Variants in ABCC11 observed in about 807,000 individuals in gnomAD.
ABCC11 encodes the protein ATP-binding cassette sub-family C member 11.
Under a neutral mutation model 149.3 loss-of-function variants are expected in ABCC11, and 135 were observed. That is an observed-to-expected ratio of 0.90 (90% CI 0.79 to 1.04). The LOEUF is 1.04. ABCC11 is among the 50% of genes least tolerant of loss of function. The pLI is 0.00. For missense variants in ABCC11, 1,680 were observed against 1,722.1 expected (o/e 0.98, Z 0.43); for synonymous variants, 665 against 671.4 (o/e 0.99, Z 0.15).
rs759832632 is a variant in ABCC11 at position 48,196,220 on chromosome 16, T to C, written c.2404+12A>G. 6.2e-7 allele frequency: 1 copy of C among 1,613,940 alleles called. No homozygotes were observed. The highest frequency in any genetic ancestry group is 1.1e-5 in the South Asian group (1 of 91,048). On this transcript the variant is annotated intron_variant, in intron 18 of 29. Coordinates refer to ENST00000356608, the MANE Select transcript of ABCC11 (RefSeq NM_001370497.1). Reference sequence around the variant, plus strand: ...TCCAAGAGAGAGCCCTGGGCTGGCATGGGGACCGTACCTCCAGCTGCCTGG... The same window carrying C: ...TCCAAGAGAGAGCCCTGGGCTGGCACGGGGACCGTACCTCCAGCTGCCTGG...
At chr16:48,244,210 G>A (rs558481899) in intron 1 of ABCC11, 15 of 515,384 alleles carry the variant, frequency 2.9e-5, no homozygotes, top group Non-Finnish European at 4.8e-5. Context: ...AAGTCTTACC[G>A]GGAGGCTCTC....
Position 48,210,943 on chromosome 16 carries a change from G to A in ABCC11, c.1608+5C>T, listed in dbSNP as rs145295654. ...GGCCTGCCTGCGTGGCCTGAACAAG[G>A]CTACCTTGGACACCACCAGGTTGAT... On this transcript the variant is annotated splice_donor_5th_base_variant and intron_variant, in intron 11 of 29. Coordinates refer to ENST00000356608, the MANE Select transcript of ABCC11 (RefSeq NM_001370497.1). 33 of 1,613,462 alleles carry A rather than the reference G, an allele frequency of 2.0e-5. No individual in the cohort carries two copies. Among genetic ancestry groups the A allele is most frequent in the Non-Finnish European group, 2.5e-5 (30 of 1,179,464 alleles).
chr16:48,213,568 G>A lies in ABCC11; in HGVS notation c.1249-18C>T. ...CTGAAGGCCTGGATAAGAAGGGGAGGAGGTGGTGAGGGTCGTGGCCCTTCC... is the reference window on the plus strand; with the variant it reads ...CTGAAGGCCTGGATAAGAAGGGGAGAAGGTGGTGAGGGTCGTGGCCCTTCC... On this transcript the variant is annotated intron_variant, in intron 9 of 29. Coordinates refer to ENST00000356608, the MANE Select transcript of ABCC11 (RefSeq NM_001370497.1). 6.3e-7 allele frequency: 1 copy of A among 1,596,488 alleles called. No homozygotes were observed. Among genetic ancestry groups the A allele is most frequent in the South Asian group, 1.1e-5 (1 of 88,724 alleles).
Position 48,216,217 on chromosome 16 carries a change from A to G in ABCC11, c.848T>C (p.Ile283Thr). Reference sequence around the variant, plus strand: ...GCAGATGACCAGCGATGCGCAGGTGATCAGTACTAGGGGTCCATAGCACAC... The same window carrying G: ...GCAGATGACCAGCGATGCGCAGGTGGTCAGTACTAGGGGTCCATAGCACAC... ...EGVCYGPLVL[I>T]TCASLVICSI... Residue 283 changes from isoleucine to threonine, a missense_variant, in exon 7 of 30, where the codon ATC (isoleucine) becomes ACC (threonine). Coordinates refer to ENST00000356608, the MANE Select transcript of ABCC11 (RefSeq NM_001370497.1). 1 of 1,614,160 alleles carries G rather than the reference A, an allele frequency of 6.2e-7. No individual in the cohort carries two copies. Among genetic ancestry groups the G allele is most frequent in the Non-Finnish European group, 8.5e-7 (1 of 1,180,010 alleles).
chr16:48,195,917 T>C (rs1967360995), intron 18 of ABCC11, among the ~76,000 whole-genome samples: 2 of 152,174 alleles, frequency 1.3e-5, no homozygotes, highest in African/African-American at 2.4e-5. Flanking sequence ...GAGGATTGCT[T>C]GAGGCCAGGA....
chr16:48,167,131 T>TCCCC lies in ABCC11; in HGVS notation c.*139_*142dup. On this transcript the variant is annotated 3_prime_UTR_variant, in exon 30 of 30. Transcript: ENST00000356608. ...CTATTCCAGGGTTTCCATCCAGCAA[T>TCCCC]CCCCACCCCCCCTACATTTACCCCT... The TCCCC allele has an allele frequency of 1.2e-5, 7 of 595,566 alleles. No homozygotes were observed. The highest frequency in any genetic ancestry group is 1.8e-5 in the South Asian group (1 of 56,354). 36.9% of individuals were successfully genotyped at this position (595,566 alleles called of 1,614,324 possible). A position where few individuals can be genotyped will look rare whatever the true frequency, so the allele number is the denominator to read the frequency against.
At chr16:48,210,897 G>A (rs1187324330) in intron 11 of ABCC11, 51 bp downstream of exon 11, 1 of 1,596,594 alleles carries the variant, frequency 6.3e-7, no homozygotes, top group Admixed American at 1.7e-5. Flanking sequence ...CCTAGCCTCA[G>A]GTCCTGAGAG....
At chr16:48,218,792 G>C (rs970579507) in intron 6 of ABCC11, among the ~76,000 whole-genome samples, 1 of 152,174 alleles carries the variant, frequency 6.6e-6, no homozygotes, top group South Asian at 2.1e-4. Flanking sequence ...ATGATTGTGA[G>C]GCCTCCCCAG....
chr16:48,222,569 G>A, intron 6 of ABCC11, 29 bp downstream of exon 6: 1 of 1,589,658 alleles, frequency 6.3e-7, no homozygotes, highest in Non-Finnish European at 8.6e-7. Context: ...GGGAAGCATG[G>A]CCCAGAATAG....
chr16:48,224,703 CTCTT>C (rs749656024), intron 4 of ABCC11, among the ~76,000 whole-genome samples: 1 of 152,126 alleles, frequency 6.6e-6, no homozygotes, highest in Non-Finnish European at 1.5e-5. Context: ...CAGTATATAT[CTCTT>C]TCAGATAAAG....
At position 48,231,849 on chromosome 16, in the gene ABCC11, C is replaced by T. The variant is rs183790364; in HGVS notation, c.73G>A (p.Asp25Asn). 1.7e-5 allele frequency: 28 copies of T among 1,614,150 alleles called. No individual in the cohort carries two copies. Among genetic ancestry groups the T allele is most frequent in the East Asian group, 4.5e-5 (2 of 44,884 alleles). ...GLVNRGIDIG[D>N]DMVSGLIYKT... ...TAAATAAGTCCTGAAACCATGTCAT[C>T]GCCTATGTCGATGCCACGATTCACG... Residue 25 changes from aspartate to asparagine, a missense_variant, in exon 2 of 30, where the codon GAT (aspartate) becomes AAT (asparagine). By Grantham distance (23) the Asp-to-Asn change is conservative (BLOSUM62 1). Coordinates refer to ENST00000356608, the MANE Select transcript of ABCC11 (RefSeq NM_001370497.1).
Position 48,196,318 on chromosome 16 carries a change from G to C in ABCC11, c.2318C>G (p.Pro773Arg). Residue 773 changes from proline (P) to arginine (R), a missense_variant, in exon 18 of 30, where the codon CCG (proline) becomes CGG (arginine). Pro to Arg is a moderately radical substitution (Grantham distance 103). Transcript: ENST00000356608. Reference protein sequence around the residue: ...LEESLNGNAVPEHQLTQEEEM... With the variant: ...LEESLNGNAVREHQLTQEEEM... ...CTCCTCCTGTGTGAGCTGATGCTCCGGCACTGGGTCAGGGTAGAAGAAGAG... is the reference window on the plus strand; with the variant it reads ...CTCCTCCTGTGTGAGCTGATGCTCCCGCACTGGGTCAGGGTAGAAGAAGAG... 6.2e-7 allele frequency: 1 copy of C among 1,613,814 alleles called. No homozygotes were observed. The highest frequency in any genetic ancestry group is 1.1e-5 in the South Asian group (1 of 91,016).
chr16:48,172,954 A>G (rs1477657922), intron 26 of ABCC11, among the ~76,000 whole-genome samples: 3 of 152,198 alleles, frequency 2.0e-5, no homozygotes. Flanking sequence ...GAAACCTGTC[A>G]ACCTTGCTTT....
At chr16:48,229,543 C>A (rs1050698725) in intron 3 of ABCC11, among the ~76,000 whole-genome samples, 1 of 144,322 alleles carries the variant, frequency 6.9e-6, no homozygotes, top group Non-Finnish European at 1.5e-5. Context: ...CGGCTCACTG[C>A]AAGCTCCGCT....
intron 23 of ABCC11, among the ~76,000 whole-genome samples, chr16:48,178,921 C>T (rs563906166): frequency 2.6e-5 from 4 of 152,298 alleles, no homozygotes; most frequent in South Asian, 4.1e-4. Context: ...TGTTCCACCT[C>T]GAGTGCCCTC....
At chr16:48,208,196 A>G (rs1045627284) in intron 12 of ABCC11, among the ~76,000 whole-genome samples, 1 of 152,198 alleles carries the variant, frequency 6.6e-6, no homozygotes, top group Non-Finnish European at 1.5e-5. Context: ...TCCAGGTGAC[A>G]TAAGAGGCAG....
Position 48,217,982 on chromosome 16 carries a change from G to A in ABCC11, c.778-1695C>T, listed in dbSNP as rs577679762. Among the ~76,000 whole-genome samples the A allele has an allele frequency of 1.9e-4, 29 of 152,266 alleles. No individual in the cohort carries two copies. In the Middle Eastern group the frequency reaches 0.01, roughly 54 times the overall value. ...GCCAAATGCTGGAAACATCTTACAA[G>A]TTGGTGGAAAAGGATTTAAAAAGTC... On this transcript the variant is annotated intron_variant, in intron 6 of 29. Coordinates refer to ENST00000356608, the MANE Select transcript of ABCC11 (RefSeq NM_001370497.1).
At chr16:48,207,948 C>A (rs1251001920) in intron 12 of ABCC11, among the ~76,000 whole-genome samples, 1 of 152,050 alleles carries the variant, frequency 6.6e-6, no homozygotes, top group East Asian at 1.9e-4. Context: ...CCTGTTTCTC[C>A]CCCCACATTT....
At chr16:48,228,747 G>T (rs1970244606) in intron 3 of ABCC11, among the ~76,000 whole-genome samples, 1 of 152,186 alleles carries the variant, frequency 6.6e-6, no homozygotes, top group African/African-American at 2.4e-5. Context: ...AATAGGAAGA[G>T]AGGTCCTCAA....
Sources: allele counts gnomAD v4.1 joint callset (sites outside exome capture counted in the v4.1 genomes callset), GRCh38; gene constraint gnomAD v4.1.1; transcripts MANE v1.5; gene names NCBI Gene and HGNC (gene_info 2026-07-23, HGNC 2026-07-21).